Variants in TSHZ2 observed in about 807,000 individuals in gnomAD.
TSHZ2 encodes teashirt homolog 2.
In TSHZ2, 21 loss-of-function variants were observed where a neutral mutation model predicts 74.4. The ratio of observed to expected loss-of-function variants is 0.28; its 90% CI spans 0.20 to 0.41. The LOEUF (loss-of-function observed/expected upper bound fraction) is 0.41. Among genes scored for constraint, TSHZ2 ranks in the 10% least tolerant of loss-of-function variants. The pLI is 1.00. For missense variants in TSHZ2, 1,244 were observed against 1,293.5 expected (o/e 0.96, Z 0.59); for synonymous variants, 540 against 515.3 (o/e 1.05, Z -0.65).
intron 2 of TSHZ2, among the ~76,000 whole-genome samples, chr20:53,286,437 G>T (rs962951030): frequency 2.6e-5 from 4 of 152,160 alleles, no homozygotes; most frequent in Admixed American, 2.0e-4. Context: ...CTTTTTCAGG[G>T]CATTTTCCCT....
chr20:53,433,241 C>T (rs1226761069), intron 2 of TSHZ2, among the ~76,000 whole-genome samples: 1 of 152,154 alleles, frequency 6.6e-6, no homozygotes, highest in East Asian at 1.9e-4. Context: ...GTGGCTTACA[C>T]CTATAGTCCC....
At chr20:53,325,415 AG>A (rs1201172990) in intron 2 of TSHZ2, among the ~76,000 whole-genome samples, 3 of 152,230 alleles carry the variant, frequency 2.0e-5, no homozygotes, top group Admixed American at 6.5e-5. Context: ...CTGGGGAAGA[AG>A]CTGCATGTGT....
intron 2 of TSHZ2, among the ~76,000 whole-genome samples, chr20:53,275,598 A>C (rs1436730489): frequency 6.6e-6 from 1 of 152,174 alleles, no homozygotes; most frequent in Non-Finnish European, 1.5e-5. Flanking sequence ...CCTGGGTGGA[A>C]GTTTGTTGAC....
intron 2 of TSHZ2, among the ~76,000 whole-genome samples, chr20:53,387,419 A>G (rs777386425): frequency 6.6e-6 from 1 of 152,182 alleles, no homozygotes; most frequent in Non-Finnish European, 1.5e-5. Flanking sequence ...TCCACCATGT[A>G]CTTCCTTGCT....
chr20:53,095,043 C>G (rs1051341993), intron 1 of TSHZ2, among the ~76,000 whole-genome samples: 2 of 152,174 alleles, frequency 1.3e-5, no homozygotes, highest in African/African-American at 4.8e-5. Flanking sequence ...TTACAGCAGG[C>G]AGAAAACCCA....
At chr20:53,429,475 C>T (rs1377245518) in intron 2 of TSHZ2, among the ~76,000 whole-genome samples, 3 of 152,144 alleles carry the variant, frequency 2.0e-5, no homozygotes, top group African/African-American at 7.2e-5. Context: ...CTCACGAGAC[C>T]TGATGGTTTT....
chr20:53,278,445 C>G (rs918235340), intron 2 of TSHZ2, among the ~76,000 whole-genome samples: 1 of 152,138 alleles, frequency 6.6e-6, no homozygotes, highest in Non-Finnish European at 1.5e-5. Context: ...ACTTCCACTT[C>G]CATTTCCACA....
At chr20:53,203,444 C>T (rs1989058520) in intron 1 of TSHZ2, among the ~76,000 whole-genome samples, 1 of 152,088 alleles carries the variant, frequency 6.6e-6, no homozygotes, top group Non-Finnish European at 1.5e-5. Context: ...ATGTGCCCAC[C>T]TCCACCCAAA....
intron 2 of TSHZ2, among the ~76,000 whole-genome samples, chr20:53,330,284 A>C (rs566010075): frequency 6.6e-6 from 1 of 152,298 alleles, no homozygotes; most frequent in Admixed American, 6.5e-5. Flanking sequence ...AGCTTCCCCC[A>C]GTGCTTGCAT....
chr20:53,183,545 A>G (rs1040762040), intron 1 of TSHZ2, among the ~76,000 whole-genome samples: 3 of 152,128 alleles, frequency 2.0e-5, no homozygotes, highest in African/African-American at 7.2e-5. Flanking sequence ...GTTTGGCAGG[A>G]TTCAAGGCTC....
chr20:53,002,562 C>T (rs1244763492), intron 1 of TSHZ2, among the ~76,000 whole-genome samples: 1 of 151,874 alleles, frequency 6.6e-6, no homozygotes, highest in East Asian at 1.9e-4. Context: ...TTTTACCCAC[C>T]TTTTGATGTT....
intron 1 of TSHZ2, among the ~76,000 whole-genome samples, chr20:53,070,824 T>C (rs1985148832): frequency 6.6e-6 from 1 of 152,208 alleles, no homozygotes; most frequent in African/African-American, 2.4e-5. Context: ...GAAACATTGC[T>C]ACAGCTTCCG....
rs574030359 is a variant in TSHZ2 at position 52,973,932 on chromosome 20, T to C, written c.40+599T>C. Among the ~76,000 whole-genome samples the C allele has an allele frequency of 2.1e-4, 32 of 152,338 alleles. No homozygotes were observed. In the South Asian group the frequency reaches 5.6e-3, roughly 27 times the overall value. ...GGAAATGTAATTAACAATTTCCCTA[T>C]TCTTTAAAAAAACCAAAAAGGGTTG... On this transcript the variant is annotated intron_variant, in intron 1 of 2. Transcript: ENST00000371497.
intron 1 of TSHZ2, among the ~76,000 whole-genome samples, chr20:53,114,597 A>C (rs1986620324): frequency 6.6e-6 from 1 of 152,036 alleles, no homozygotes; most frequent in African/African-American, 2.4e-5. Context: ...GAGGTGTAAA[A>C]TGGGCTTCTC....
intron 1 of TSHZ2, chr20:53,196,210 T>A (rs1193544094): frequency 6.6e-6 from 1 of 152,082 alleles, no homozygotes; most frequent in South Asian, 2.1e-4. Context: ...GTTCAGCTCA[T>A]GGAACTAATA....
intron 1 of TSHZ2, among the ~76,000 whole-genome samples, chr20:53,043,378 T>C (rs2049066813): frequency 6.6e-6 from 1 of 152,182 alleles, no homozygotes; most frequent in Non-Finnish European, 1.5e-5. Flanking sequence ...TACTGGCATC[T>C]ATTAGGTAGA....
chr20:52,989,843 T>C (rs1025714950), intron 1 of TSHZ2, among the ~76,000 whole-genome samples: 1 of 152,096 alleles, frequency 6.6e-6, no homozygotes, highest in African/African-American at 2.4e-5. Context: ...TTTCACACTA[T>C]ATTTTGTAAT....
chr20:53,454,405 T>C (rs1984961605), intron 2 of TSHZ2, among the ~76,000 whole-genome samples: 1 of 151,732 alleles, frequency 6.6e-6, no homozygotes, highest in Non-Finnish European at 1.5e-5. Context: ...TTACTAAAAA[T>C]ACAAAAATTA....
At chr20:53,319,339 T>C (rs1039041358) in intron 2 of TSHZ2, among the ~76,000 whole-genome samples, 6 of 152,258 alleles carry the variant, frequency 3.9e-5, no homozygotes, top group African/African-American at 1.4e-4. Flanking sequence ...GTACTTTGTA[T>C]ATGCATTAAA....
Sources: gnomAD v4.1 joint callset for allele counts (sites outside exome capture counted in the v4.1 genomes callset) on GRCh38, gnomAD v4.1.1 for gene constraint, MANE v1.5 for transcripts, NCBI Gene and HGNC (gene_info 2026-07-23, HGNC 2026-07-21) for gene names.